LRP1B: variants seen among roughly 807,000 people sequenced by gnomAD.
LRP1B encodes the protein low-density lipoprotein receptor-related protein 1B.
A neutral mutation model predicts 556.6 loss-of-function variants in LRP1B; 217 were observed. The observed-to-expected ratio is 0.39, with a 90% CI of 0.35 to 0.44. The LOEUF (loss-of-function observed/expected upper bound fraction) is 0.44, where lower values mean the gene tolerates loss of function less well. Among genes scored for constraint, LRP1B ranks in the 20% least tolerant of loss-of-function variants. LRP1B has a pLI of 1.00. For synonymous variants in LRP1B, 2,047 were observed against 1,865.8 expected, an observed-to-expected ratio of 1.10 and a Z score of -2.50; for missense variants, 5,053 against 5,620.8, an observed-to-expected ratio of 0.90 and a Z score of 3.23.
intron 15 of LRP1B, among the ~76,000 whole-genome samples, chr2:140,999,386 C>T (rs909644640): frequency 6.6e-6 from 1 of 151,934 alleles, no homozygotes; most frequent in African/African-American, 2.4e-5. Context: ...GGGGTTACCT[C>T]ATGCATGAAT....
At chr2:140,269,681 G>A (rs765220665) in intron 86 of LRP1B, among the ~76,000 whole-genome samples, 2 of 151,856 alleles carry the variant, frequency 1.3e-5, no homozygotes, top group African/African-American at 2.4e-5. Flanking sequence ...AGATCATGGA[G>A]GGGGGAAAAT....
At chr2:142,055,089 T>C (rs1215531452) in intron 1 of LRP1B, among the ~76,000 whole-genome samples, 1 of 152,068 alleles carries the variant, frequency 6.6e-6, no homozygotes, top group Non-Finnish European at 1.5e-5. Flanking sequence ...CCATTCTAAG[T>C]GATAGGGATA....
chr2:142,085,156 G>A (rs910510024), intron 1 of LRP1B, among the ~76,000 whole-genome samples: 1 of 152,112 alleles, frequency 6.6e-6, no homozygotes, highest in African/African-American at 2.4e-5. Flanking sequence ...CATCCAGCCT[G>A]TGCCTATAAA....
rs1696384383 is a variant in LRP1B, at chr2:141,812,319, TTATTAGTA to T, written c.83-1926_83-1919del. On this transcript the variant is annotated intron_variant, in intron 1 of 90. Coordinates refer to ENST00000389484, the MANE Select transcript of LRP1B (RefSeq NM_018557.3). ...AGACTGAAAGTAGGTTTATTAGTAATTATTAGTAATTATTAGTAATTACACTGGGACAA... is the reference window on the plus strand; with the variant it reads ...AGACTGAAAGTAGGTTTATTAGTAATATTATTAGTAATTACACTGGGACAA... 1.4e-4 allele frequency among the ~76,000 whole-genome samples: 16 copies of T among 112,396 alleles called. No homozygotes were observed. In the South Asian group the frequency reaches 4.1e-3, roughly 29 times the overall value. 73.7% of individuals were successfully genotyped at this position (112,396 alleles called of 152,430 possible). A position where few individuals can be genotyped will look rare whatever the true frequency, so the allele number is the denominator to read the frequency against.
intron 35 of LRP1B, among the ~76,000 whole-genome samples, chr2:140,744,585 C>T (rs1232403953): frequency 2.0e-5 from 3 of 152,340 alleles, no homozygotes; most frequent in Non-Finnish European, 4.4e-5. Context: ...GCTTCCATCT[C>T]AGGGCTTACT....
chr2:141,375,858 G>C lies in LRP1B; in HGVS notation c.343+104538C>G, dbSNP rs115568187. Among the ~76,000 whole-genome samples, 646 of 152,210 alleles carry C rather than the reference G, an allele frequency of 4.2e-3. 8 individuals carry two copies. The highest frequency in any genetic ancestry group is 0.014 in the African/African-American group (571 of 41,536). Reference sequence around the variant, plus strand: ...CCCTAGATATGTGTAAGAGAGCATGGTTTCCCTGTCCTACCTTGGCTGATC... The same window carrying C: ...CCCTAGATATGTGTAAGAGAGCATGCTTTCCCTGTCCTACCTTGGCTGATC... On this transcript the variant is annotated intron_variant, in intron 3 of 90. Coordinates refer to ENST00000389484, the MANE Select transcript of LRP1B (RefSeq NM_018557.3).
chr2:140,463,210 T>A (rs1209899188), intron 60 of LRP1B, among the ~76,000 whole-genome samples: 2 of 151,852 alleles, frequency 1.3e-5, no homozygotes, highest in Non-Finnish European at 2.9e-5. Flanking sequence ...TTCTAGTTGA[T>A]GAAGAGTGAC....
chr2:141,298,294 A>G (rs1388155341), intron 3 of LRP1B, among the ~76,000 whole-genome samples: 1 of 152,152 alleles, frequency 6.6e-6, no homozygotes. Flanking sequence ...GAGGTACTAT[A>G]TGTCATGCCT....
At chr2:141,814,121 G>C (rs567052482) in intron 1 of LRP1B, among the ~76,000 whole-genome samples, 1 of 152,216 alleles carries the variant, frequency 6.6e-6, no homozygotes, top group South Asian at 2.1e-4. Context: ...CAGAAAGATA[G>C]GTATATGTAA....
chr2:141,425,500 C>A (rs1221396698), intron 3 of LRP1B, among the ~76,000 whole-genome samples: 1 of 151,266 alleles, frequency 6.6e-6, no homozygotes, highest in Non-Finnish European at 1.5e-5. Context: ...GCCACACTGA[C>A]TTCCACAATG....
At chr2:140,415,604 C>G (rs1182469995) in intron 66 of LRP1B, among the ~76,000 whole-genome samples, 1 of 152,066 alleles carries the variant, frequency 6.6e-6, no homozygotes, top group East Asian at 1.9e-4. Context: ...GGTGGGTTCC[C>G]CCAATATATG....
intron 32 of LRP1B, among the ~76,000 whole-genome samples, chr2:140,794,478 AACACACACACACACACACACACAC>A (rs6146938): frequency 2.0e-5 from 3 of 149,922 alleles, no homozygotes; most frequent in Admixed American, 6.6e-5. Flanking sequence ...AGCTATTTAA[AACACACACACACACACACACACAC>A]ACACACACAC....
chr2:141,124,552 T>C (rs1240890507), intron 7 of LRP1B, among the ~76,000 whole-genome samples: 1 of 151,876 alleles, frequency 6.6e-6, no homozygotes, highest in African/African-American at 2.4e-5. Context: ...TGATCTCACT[T>C]ACCTAATTTT....
At chr2:141,128,745 C>T (rs1030412987) in intron 7 of LRP1B, among the ~76,000 whole-genome samples, 4 of 152,112 alleles carry the variant, frequency 2.6e-5, no homozygotes, top group South Asian at 4.1e-4. Context: ...CTCAGCCTCC[C>T]GAGTAGCTGG....
chr2:140,567,545 A>T (rs1681171252), intron 43 of LRP1B, among the ~76,000 whole-genome samples: 1 of 152,208 alleles, frequency 6.6e-6, no homozygotes, highest in Admixed American at 6.5e-5. Context: ...GTTGTCTCAG[A>T]GTCATAGATC....
chr2:141,545,838 TAGGAA>T (rs1559132716), intron 2 of LRP1B, among the ~76,000 whole-genome samples: 1 of 152,030 alleles, frequency 6.6e-6, no homozygotes, highest in Non-Finnish European at 1.5e-5. Context: ...AAAGCTAGAA[TAGGAA>T]AGGAAACAGA....
intron 2 of LRP1B, among the ~76,000 whole-genome samples, chr2:141,749,362 A>C (rs1334488972): frequency 1.3e-5 from 2 of 152,134 alleles, no homozygotes; most frequent in East Asian, 3.9e-4. Flanking sequence ...TAAGAATGAA[A>C]ATTAACCCCA....
chr2:141,266,766 A>C (rs1393429907), intron 3 of LRP1B, among the ~76,000 whole-genome samples: 1 of 152,214 alleles, frequency 6.6e-6, no homozygotes, highest in Non-Finnish European at 1.5e-5. Flanking sequence ...TTACACAGAT[A>C]ATTAAAATAT....
At chr2:140,970,712 ACCTTTTTTTTTTTTTTTTTTTTTTTT>A (rs1696388174) in intron 18 of LRP1B, among the ~76,000 whole-genome samples, 12 of 126,420 alleles carry the variant, frequency 9.5e-5, no homozygotes, top group African/African-American at 3.7e-4. Context: ...TAATTTTTTA[ACCTTTTTTTTTTTTTTTTTTTTTTTT>A]TTTTTTTTTT....
Sources: gnomAD v4.1 joint callset for allele counts (sites outside exome capture counted in the v4.1 genomes callset) on GRCh38, gnomAD v4.1.1 for gene constraint, MANE v1.5 for transcripts, NCBI Gene and HGNC (gene_info 2026-07-23, HGNC 2026-07-21) for gene names.